The following EDAR variants were observed in gnomAD, a reference collection of about 807,000 sequenced individuals.
EDAR encodes the protein ectodysplasin A receptor.
Under a neutral mutation model 51.3 loss-of-function variants are expected in EDAR, and 38 were observed. The observed-to-expected ratio is 0.74, with a 90% CI of 0.57 to 0.97. The LOEUF is 0.97. Among genes scored for constraint, EDAR ranks in the 50% least tolerant of loss-of-function variants. The pLI, the probability that EDAR is intolerant of heterozygous loss-of-function variation, is 0.00. For synonymous variants in EDAR, 227 were observed against 242.1 expected (o/e 0.94, Z 0.58); for missense variants, 528 against 595.0 (o/e 0.89, Z 1.17).
At chr2:108,907,638 A>T (rs1253419781) in intron 10 of EDAR, among the ~76,000 whole-genome samples, 1 of 132,778 alleles carries the variant, frequency 7.5e-6, no homozygotes, top group African/African-American at 2.9e-5. Flanking sequence ...ACAGAGCAAG[A>T]CTCTCATCTC....
In EDAR at chr2:108,912,668, C is replaced by T; in HGVS notation, c.529+10G>A. 1 of 1,579,794 alleles carries T rather than the reference C, an allele frequency of 6.3e-7. No individual in the cohort carries two copies. ...ACTCCAGGTGATCGATACCTGAGCA[C>T]CCTCCTCACCTTTGTGGGCGTGCTG... On this transcript the variant is annotated intron_variant, in intron 6 of 11. Transcript: ENST00000258443.
At chr2:108,939,059 T>C (rs1697535592) in intron 1 of EDAR, among the ~76,000 whole-genome samples, 1 of 152,074 alleles carries the variant, frequency 6.6e-6, no homozygotes, top group African/African-American at 2.4e-5. Context: ...ATTACAGGCA[T>C]GAGCCACCGT....
At chr2:108,965,258 A>T (rs1434790064) in intron 1 of EDAR, among the ~76,000 whole-genome samples, 4 of 152,074 alleles carry the variant, frequency 2.6e-5, no homozygotes, top group Non-Finnish European at 5.9e-5. Context: ...CAGGCGGATC[A>T]TGAGGTCAGG....
intron 1 of EDAR, among the ~76,000 whole-genome samples, chr2:108,946,414 G>C (rs778468101): frequency 6.6e-6 from 1 of 152,184 alleles, no homozygotes; most frequent in African/African-American, 2.4e-5. Context: ...ACAACCCCTT[G>C]GGGACTGGTG....
intron 11 of EDAR, among the ~76,000 whole-genome samples, chr2:108,903,306 CA>C (rs1156307529): frequency 6.6e-6 from 1 of 152,042 alleles, no homozygotes. Flanking sequence ...ATAAAGATGT[CA>C]AATCTTCCCA....
intron 1 of EDAR, among the ~76,000 whole-genome samples, chr2:108,938,519 C>A (rs561993166): frequency 5.3e-5 from 8 of 152,248 alleles, no homozygotes; most frequent in Admixed American, 3.3e-4. Flanking sequence ...AATATCCATG[C>A]AGAAGTTCAG....
intron 4 of EDAR, 90 bp downstream of exon 4, chr2:108,929,108 A>G (rs1340079876): frequency 3.4e-6 from 5 of 1,476,190 alleles, no homozygotes; most frequent in Non-Finnish European, 4.7e-6. Flanking sequence ...TGCAGTATCC[A>G]TGACCCCTGT....
chr2:108,957,278 A>G (rs1050869148), intron 1 of EDAR, among the ~76,000 whole-genome samples: 1 of 152,216 alleles, frequency 6.6e-6, no homozygotes, highest in Admixed American at 6.5e-5. Flanking sequence ...GAGACAGATG[A>G]AAGCCTGGAA....
At chr2:108,987,411 G>A (rs907535041) in intron 1 of EDAR, among the ~76,000 whole-genome samples, 2 of 152,154 alleles carry the variant, frequency 1.3e-5, no homozygotes, top group African/African-American at 2.4e-5. Context: ...TTGGGCTGCC[G>A]CCCAATGGCA....
chr2:108,931,318 G>A (rs974921393), intron 1 of EDAR, among the ~76,000 whole-genome samples: 10 of 152,288 alleles, frequency 6.6e-5, no homozygotes, highest in South Asian at 4.1e-4. Flanking sequence ...TGTGTTTCTC[G>A]TGCTCAGAGG....
intron 4 of EDAR, among the ~76,000 whole-genome samples, chr2:108,927,294 A>G (rs1032543344): frequency 3.3e-5 from 5 of 152,162 alleles, no homozygotes. Flanking sequence ...CCCATGGAGT[A>G]GGGCGGGAGG....
In EDAR at chr2:108,896,865, C is replaced by A. The variant is rs7607563; in HGVS notation, c.*42G>T. 1,427,736 of 1,584,916 alleles carry A rather than the reference C, an allele frequency of 0.9. 644,119 individuals carry two copies. The highest frequency in any genetic ancestry group is 1 in the East Asian group (43,454 of 43,510). On this transcript the variant is annotated 3_prime_UTR_variant, in exon 12 of 12. Coordinates refer to ENST00000258443, the MANE Select transcript of EDAR (RefSeq NM_022336.4). Reference sequence around the variant, plus strand: ...CTCACAGCTCCAGAGCCCTCGTTGGCTCCTTGGCTTGTCCTGGGAGGACAG... The same window carrying A: ...CTCACAGCTCCAGAGCCCTCGTTGGATCCTTGGCTTGTCCTGGGAGGACAG...
At chr2:108,943,522 A>G (rs1484795581) in intron 1 of EDAR, among the ~76,000 whole-genome samples, 2 of 152,226 alleles carry the variant, frequency 1.3e-5, no homozygotes, top group African/African-American at 4.8e-5. Context: ...ACTTTTTGAA[A>G]AAGAGATTGC....
chr2:108,965,898 G>T (rs184047338), intron 1 of EDAR, among the ~76,000 whole-genome samples: 14 of 152,002 alleles, frequency 9.2e-5, no homozygotes, highest in African/African-American at 2.9e-4. Context: ...CCCAGGCAAA[G>T]AAATATTTCC....
intron 1 of EDAR, among the ~76,000 whole-genome samples, chr2:108,961,598 T>TA (rs1032408475): frequency 1.3e-5 from 2 of 152,214 alleles, no homozygotes; most frequent in African/African-American, 4.8e-5. Flanking sequence ...ACATTTACAT[T>TA]AAAAAAGCAC....
intron 1 of EDAR, among the ~76,000 whole-genome samples, chr2:108,977,101 A>G (rs1302922231): frequency 6.6e-6 from 1 of 152,040 alleles, no homozygotes; most frequent in Non-Finnish European, 1.5e-5. Flanking sequence ...GCCAATAAGG[A>G]GGCACTGATG....
intron 1 of EDAR, among the ~76,000 whole-genome samples, chr2:108,944,772 T>C (rs796169726): frequency 6.6e-6 from 1 of 152,110 alleles, no homozygotes; most frequent in Non-Finnish European, 1.5e-5. Context: ...GTCCCAGACC[T>C]TCCTGAGGTC....
At chr2:108,922,604 G>A (rs1697164853) in intron 5 of EDAR, among the ~76,000 whole-genome samples, 1 of 152,132 alleles carries the variant, frequency 6.6e-6, no homozygotes. Flanking sequence ...TGAGACATGG[G>A]GGTAGTGGCG....
chr2:108,907,777 C>G (rs1344454146), intron 10 of EDAR, 83 bp downstream of exon 10: 29 of 1,524,014 alleles, frequency 1.9e-5, no homozygotes, highest in Non-Finnish European at 2.5e-5. Context: ...TGCAGGAGAG[C>G]TGATTCAATA....
Sources: allele counts gnomAD v4.1 joint callset (sites outside exome capture counted in the v4.1 genomes callset), GRCh38; gene constraint gnomAD v4.1.1; transcripts MANE v1.5; gene names NCBI Gene and HGNC (gene_info 2026-07-23, HGNC 2026-07-21).